Variants in CHM observed in about 807,000 individuals in gnomAD.
CHM encodes the protein CHM Rab escort protein, also known as rab proteins geranylgeranyltransferase component A 1.
CHM carries 10 observed loss-of-function variants against 49.0 expected under a neutral mutation model. The observed-to-expected ratio is 0.20, with a 90% CI of 0.13 to 0.35. CHM has a LOEUF of 0.35. CHM is among the 10% of genes least tolerant of loss of function. The pLI is 1.00. For missense variants in CHM, 455 were observed against 478.4 expected, an observed-to-expected ratio of 0.95 and a Z score of 0.46; for synonymous variants, 184 against 167.5, an observed-to-expected ratio of 1.10 and a Z score of -0.76.
At chrX:85,930,429 A>C (rs56169997) in intron 8 of CHM, among the ~76,000 whole-genome samples, 24,442 of 111,194 alleles carry the variant, frequency 0.22, 2,306 homozygotes, top group East Asian at 0.53. Context: ...CAAGTCCCCA[A>C]GGTCAAAGTT....
chrX:86,021,126 G>GTGTATATATA (rs1555967708), intron 2 of CHM, among the ~76,000 whole-genome samples: 14 of 55,958 alleles, frequency 2.5e-4, no homozygotes, highest in East Asian at 1.7e-3. Flanking sequence ...GTGTATATAC[G>GTGTATATATA]TATATATATA....
intron 9 of CHM, among the ~76,000 whole-genome samples, chrX:85,909,917 A>G (rs745774813): frequency 9.8e-5 from 11 of 112,005 alleles, no homozygotes; most frequent in Non-Finnish European, 2.1e-4. Flanking sequence ...AAATGATTCT[A>G]GAAGTCTAAA....
In CHM at chrX:85,894,170, C is replaced by A. The variant is rs769560030; in HGVS notation, c.1510+18G>T. 2.6e-6 allele frequency: 3 copies of A among 1,159,313 alleles called. No homozygotes were observed. Among genetic ancestry groups the A allele is most frequent in the East Asian group, 3.0e-5 (1 of 33,553 alleles). ...CTAAACAAACACAAAATACAAATAA[C>A]CACTCTACTATGCTTACAGGTGCCT... On this transcript the variant is annotated intron_variant, in intron 12 of 14. Coordinates refer to ENST00000357749, the MANE Select transcript of CHM (RefSeq NM_000390.4).
chrX:85,927,605 G>A (rs1251141380), intron 8 of CHM, among the ~76,000 whole-genome samples: 1 of 111,870 alleles, frequency 8.9e-6, no homozygotes, highest in African/African-American at 3.2e-5. Flanking sequence ...GCGTATATCT[G>A]GAGTATAATC....
intron 8 of CHM, among the ~76,000 whole-genome samples, chrX:85,928,999 C>T (rs1192927130): frequency 1.8e-5 from 2 of 111,528 alleles, no homozygotes; most frequent in Admixed American, 9.5e-5. Flanking sequence ...TATATAAAAG[C>T]AATAAAGCAA....
chrX:85,897,306 CGTGTGTGTGTGT>C lies in CHM; in HGVS notation c.1414-3034_1414-3023del, dbSNP rs533191230. On this transcript the variant is annotated intron_variant, in intron 11 of 14. Coordinates refer to ENST00000357749, the MANE Select transcript of CHM (RefSeq NM_000390.4). Reference sequence around the variant, plus strand: ...ATGAAATAGAAAATGCTTGTGTGTGCGTGTGTGTGTGTGTGTGTGTGTGTGTGTGTGTGTGTG... The same window carrying C: ...ATGAAATAGAAAATGCTTGTGTGTGCGTGTGTGTGTGTGTGTGTGTGTGTG... Among the ~76,000 whole-genome samples, 206 of 76,507 alleles carry C rather than the reference CGTGTGTGTGTGT, an allele frequency of 2.7e-3. 2 individuals are homozygous for C. The highest frequency in any genetic ancestry group is 8.8e-3 in the African/African-American group (194 of 21,955). 66.4% of individuals were successfully genotyped at this position (76,507 alleles called of 115,157 possible).
At chrX:85,987,811 G>A (rs1931995971) in intron 2 of CHM, among the ~76,000 whole-genome samples, 1 of 111,578 alleles carries the variant, frequency 9.0e-6, no homozygotes, top group Non-Finnish European at 1.9e-5. Flanking sequence ...GACTGAACTA[G>A]GAATAAACTG....
intron 8 of CHM, among the ~76,000 whole-genome samples, chrX:85,925,944 G>A (rs962266263): frequency 3.6e-5 from 4 of 110,127 alleles, no homozygotes; most frequent in Non-Finnish European, 5.7e-5. Context: ...TTAGAAACAC[G>A]GCCACTCATG....
chrX:85,963,947 A>T lies in CHM; in HGVS notation c.420T>A (p.Pro140=). The change falls in exon 5 of 15, where the codon CCT becomes CCA. Residue 140 remains proline, a synonymous_variant. Coordinates refer to ENST00000357749, the MANE Select transcript of CHM (RefSeq NM_000390.4). ...STEAADSAFL[P]TEDESLSTMS... is the part of the protein sequence containing the mutation. Reference sequence around the variant, plus strand: ...TAGTGCTTAATGACTCATCCTCCGTAGGCAGGAAGGCAGAATCTGCAGCTT... The same window carrying T: ...TAGTGCTTAATGACTCATCCTCCGTTGGCAGGAAGGCAGAATCTGCAGCTT... The T allele has an allele frequency of 8.3e-7, 1 of 1,210,763 alleles. No homozygotes were observed. The highest frequency in any genetic ancestry group is 1.1e-6 in the Non-Finnish European group (1 of 895,203).
chrX:86,016,652 G>A (rs1019569272), intron 2 of CHM, among the ~76,000 whole-genome samples: 3 of 112,558 alleles, frequency 2.7e-5, no homozygotes, highest in African/African-American at 6.4e-5. Flanking sequence ...TGGAAATGCC[G>A]GGATACCCAG....
Position 85,971,592 on chromosome X carries a change from G to C in CHM, c.314+7175C>G, listed in dbSNP as rs111736305. The C allele has an allele frequency of 0.012, 3,636 of 295,844 alleles. 148 individuals carry two copies. The highest frequency in any genetic ancestry group is 0.094 in the African/African-American group (3,364 of 35,829). The allele number at this position is 295,844 out of a possible 1,213,427, so 24.4% of individuals were successfully genotyped here. On this transcript the variant is annotated intron_variant, in intron 4 of 14. Coordinates refer to ENST00000357749, the MANE Select transcript of CHM (RefSeq NM_000390.4). Reference sequence around the variant, plus strand: ...CTCATAAAAGCAGCGTGGACCTAAAGACCGAGCAGCAGCAAGATTTATTGC... The same window carrying C: ...CTCATAAAAGCAGCGTGGACCTAAACACCGAGCAGCAGCAAGATTTATTGC...
At chrX:85,875,573 T>C (rs1415431207) in intron 13 of CHM, among the ~76,000 whole-genome samples, 1 of 111,726 alleles carries the variant, frequency 9.0e-6, no homozygotes, top group Non-Finnish European at 1.9e-5. Context: ...TAAACTATGT[T>C]AGTAATACCA....
At chrX:85,916,722 T>C (rs1328508629) in intron 8 of CHM, among the ~76,000 whole-genome samples, 3 of 112,241 alleles carry the variant, frequency 2.7e-5, no homozygotes, top group Admixed American at 9.4e-5. Flanking sequence ...ATTAAAGAAA[T>C]GTAAATCAAA....
chrX:85,939,785 G>A (rs889614597), intron 8 of CHM, among the ~76,000 whole-genome samples: 4 of 112,119 alleles, frequency 3.6e-5, no homozygotes, highest in African/African-American at 1.3e-4. Context: ...TTGGCACCTT[G>A]CTAAATAACC....
At chrX:86,005,134 G>A (rs757929140) in intron 2 of CHM, among the ~76,000 whole-genome samples, 1 of 111,882 alleles carries the variant, frequency 8.9e-6, no homozygotes, top group Non-Finnish European at 1.9e-5. Flanking sequence ...TAACCACATG[G>A]AAACTGAACA....
chrX:86,016,486 A>C (rs1933307931), intron 2 of CHM, among the ~76,000 whole-genome samples: 1 of 112,563 alleles, frequency 8.9e-6, no homozygotes, highest in Admixed American at 9.3e-5. Flanking sequence ...CAGCAGCTCC[A>C]GCCTTGGCTG....
chrX:86,024,925 G>T, intron 2 of CHM, among the ~76,000 whole-genome samples: 1 of 111,097 alleles, frequency 9.0e-6, no homozygotes, highest in Non-Finnish European at 1.9e-5. Context: ...TGGGGAGGAT[G>T]AATTCATGGC....
intron 11 of CHM, among the ~76,000 whole-genome samples, chrX:85,899,200 G>A (rs770297530): frequency 9.0e-6 from 1 of 111,436 alleles, no homozygotes; most frequent in African/African-American, 3.3e-5. Flanking sequence ...TGGAATTTAA[G>A]AGGTCTGACT....
intron 1 of CHM, among the ~76,000 whole-genome samples, chrX:86,040,194 C>T (rs1265078882): frequency 1.2e-4 from 13 of 112,248 alleles, no homozygotes; most frequent in African/African-American, 4.2e-4. Context: ...CTGTAACATT[C>T]CCTCTGGAGC....
Sources: allele counts gnomAD v4.1 joint callset (sites outside exome capture counted in the v4.1 genomes callset), GRCh38; gene constraint gnomAD v4.1.1; transcripts MANE v1.5; gene names NCBI Gene and HGNC (gene_info 2026-07-23, HGNC 2026-07-21).